Variants in IL34 observed in about 807,000 individuals in gnomAD.
IL34 encodes the protein interleukin-34.
IL34 carries 17 observed loss-of-function variants against 25.3 expected under a neutral mutation model. The observed-to-expected ratio is 0.67, with a 90% CI of 0.46 to 1.01. The LOEUF is 1.01. IL34 is among the 50% of genes least tolerant of loss of function. The pLI, the probability that IL34 is intolerant of heterozygous loss-of-function variation, is 0.00. For missense variants in IL34, 368 were observed against 312.9 expected (o/e 1.18, Z -1.33); for synonymous variants, 174 against 140.9 (o/e 1.23, Z -1.66).
intron 1 of IL34, among the ~76,000 whole-genome samples, chr16:70,636,887 A>T (rs1005310122): frequency 6.7e-6 from 1 of 149,724 alleles, no homozygotes; most frequent in Non-Finnish European, 1.5e-5. Flanking sequence ...ATTTTATTTT[A>T]TTTTTTTTTT....
At chr16:70,632,117 AAAG>A (rs1043117631) in intron 1 of IL34, among the ~76,000 whole-genome samples, 6 of 143,368 alleles carry the variant, frequency 4.2e-5, no homozygotes, top group South Asian at 2.1e-4. Flanking sequence ...AAAAAAAAAA[AAAG>A]AGAAGATAAT....
chr16:70,594,442 G>T (rs1239871879), intron 1 of IL34, among the ~76,000 whole-genome samples: 1 of 151,238 alleles, frequency 6.6e-6, no homozygotes, highest in East Asian at 1.9e-4. Flanking sequence ...ACATTCAATA[G>T]AGAGAGATTG....
At chr16:70,599,458 G>A (rs2050882749) in intron 1 of IL34, among the ~76,000 whole-genome samples, 1 of 151,244 alleles carries the variant, frequency 6.6e-6, no homozygotes, top group Non-Finnish European at 1.5e-5. Flanking sequence ...CCGGGTTCAA[G>A]CGATTCTCCT....
intron 1 of IL34, among the ~76,000 whole-genome samples, chr16:70,640,340 T>G (rs1374531324): frequency 1.3e-5 from 2 of 152,080 alleles, no homozygotes; most frequent in Non-Finnish European, 2.9e-5. Context: ...AGGGACAGCC[T>G]CTTGCTATAT....
rs890350027 is a variant in IL34 at position 70,646,636 on chromosome 16, TCTC to T, written c.-306_-304del. On this transcript the variant is annotated 5_prime_UTR_variant, in exon 1 of 6. Transcript: ENST00000288098. ...ATTCCGAGGGGCCTGCCAGGGACTC[TCTC>T]CTCCTGCTCCTTGGAAAGGAAGACC... The T allele has an allele frequency of 1.3e-5, 5 of 394,524 alleles. No individual in the cohort carries two copies. Among genetic ancestry groups the T allele is most frequent in the African/African-American group, 1.0e-4 (5 of 48,152 alleles). 24.4% of individuals were successfully genotyped at this position (394,524 alleles called of 1,614,324 possible).
At chr16:70,646,253 T>C (rs2051926364), upstream of IL34, among the ~76,000 whole-genome samples, 1 of 152,086 alleles carries the variant, frequency 6.6e-6, no homozygotes, top group African/African-American at 2.4e-5. Flanking sequence ...ACCTGTCCTT[T>C]AGCCTGAGTC....
intron 1 of IL34, among the ~76,000 whole-genome samples, chr16:70,627,428 TCTCCCCTCCCCCTCCG>T (rs1226253535): frequency 1.3e-3 from 147 of 114,742 alleles, no homozygotes; most frequent in South Asian, 3.4e-3. Flanking sequence ...GCATCCCTCC[TCTCCCCTCCCCCTCCG>T]CTCCCCTCCC....
chr16:70,583,122 G>C (rs533139590), intron 1 of IL34, among the ~76,000 whole-genome samples: 18 of 151,908 alleles, frequency 1.2e-4, no homozygotes, highest in African/African-American at 3.6e-4. Context: ...GTTGTTGTTT[G>C]TCTTTTTTGA....
chr16:70,657,593 G>A (rs937808645), intron 4 of IL34, among the ~76,000 whole-genome samples: 1 of 152,102 alleles, frequency 6.6e-6, no homozygotes, highest in African/African-American at 2.4e-5. Context: ...CTGGCCAAAT[G>A]GTGAAACCCC....
chr16:70,625,377 G>A (rs1308416583), intron 1 of IL34, among the ~76,000 whole-genome samples: 2 of 152,098 alleles, frequency 1.3e-5, no homozygotes, highest in Non-Finnish European at 2.9e-5. Flanking sequence ...ACAGAAATAA[G>A]AGGTTGGGGT....
chr16:70,654,321 G>T, intron 1 of IL34: 1 of 497,370 alleles, frequency 2.0e-6, no homozygotes, highest in Non-Finnish European at 3.5e-6. Context: ...CATGGGGTGG[G>T]TGTGGACTCT....
intron 1 of IL34, among the ~76,000 whole-genome samples, chr16:70,652,690 G>T (rs2052110821): frequency 6.7e-6 from 1 of 149,652 alleles, no homozygotes; most frequent in Non-Finnish European, 1.5e-5. Flanking sequence ...GTACATCTTT[G>T]TTCATAATTT....
chr16:70,643,552 G>A (rs896748375), upstream of IL34, among the ~76,000 whole-genome samples: 1 of 152,022 alleles, frequency 6.6e-6, no homozygotes, highest in South Asian at 2.1e-4. Flanking sequence ...AAAAATTTTT[G>A]TTGGTAGATA....
At chr16:70,623,741 A>G (rs1173156849) in intron 1 of IL34, among the ~76,000 whole-genome samples, 1 of 151,882 alleles carries the variant, frequency 6.6e-6, no homozygotes, top group East Asian at 1.9e-4. Context: ...AGGGAAGCAG[A>G]TAATTTAGTT....
intron 1 of IL34, among the ~76,000 whole-genome samples, chr16:70,598,999 G>A (rs2050865570): frequency 6.6e-6 from 1 of 152,150 alleles, no homozygotes; most frequent in African/African-American, 2.4e-5. Context: ...TAGATTAGAG[G>A]CATTATCACT....
At chr16:70,632,946 T>C (rs907729881) in intron 1 of IL34, among the ~76,000 whole-genome samples, 1 of 151,908 alleles carries the variant, frequency 6.6e-6, no homozygotes, top group Non-Finnish European at 1.5e-5. Context: ...TAAAATAAAA[T>C]TCTTACTTAA....
rs2052375178 is a variant in IL34 at position 70,660,347 on chromosome 16, G to A, written c.*160G>A. On this transcript the variant is annotated 3_prime_UTR_variant, in exon 6 of 6. Transcript: ENST00000288098. ...GAGGGGGATTCTGTGCCACAGCAGG[G>A]CTCAGCTTCCTGCCTTCCATAGCTG... is the stretch of plus-strand genomic sequence containing the variant. 6 of 641,782 alleles carry A rather than the reference G, an allele frequency of 9.3e-6. 1 individual carries two copies. Among genetic ancestry groups the A allele is most frequent in the Non-Finnish European group, 1.5e-5 (6 of 397,926 alleles). The allele number at this position is 641,782 out of a possible 1,614,324, so 39.8% of individuals were successfully genotyped here.
At chr16:70,611,352 T>A (rs979299574) in intron 1 of IL34, among the ~76,000 whole-genome samples, 1 of 152,120 alleles carries the variant, frequency 6.6e-6, no homozygotes, top group Non-Finnish European at 1.5e-5. Flanking sequence ...TACGGCAGAT[T>A]TGTGTCCTTC....
chr16:70,606,187 G>A (rs924957170), intron 1 of IL34, among the ~76,000 whole-genome samples: 20 of 151,718 alleles, frequency 1.3e-4, no homozygotes, highest in African/African-American at 4.8e-4. Flanking sequence ...GCCTGAGCTT[G>A]GGAGTTCGAG....
Sources: allele counts gnomAD v4.1 joint callset (sites outside exome capture counted in the v4.1 genomes callset), GRCh38; gene constraint gnomAD v4.1.1; transcripts MANE v1.5; gene names NCBI Gene and HGNC (gene_info 2026-07-23, HGNC 2026-07-21).